ADAM18: variants seen among roughly 807,000 people sequenced by gnomAD.
ADAM18 encodes ADAM metallopeptidase domain 18.
Under a neutral mutation model 94.4 loss-of-function variants are expected in ADAM18, and 117 were observed. That is an observed-to-expected ratio of 1.24 (90% CI 1.07 to 1.45). The LOEUF is 1.45. Ranked by LOEUF, ADAM18 falls within the 40% of genes most tolerant of loss-of-function variation. The probability of loss-of-function intolerance (pLI) is 0.00; values close to 1 mark genes in which losing one functional copy is unlikely to be tolerated. For synonymous variants in ADAM18, 327 were observed against 291.6 expected, an observed-to-expected ratio of 1.12 and a Z score of -1.24; for missense variants, 936 against 880.0, an observed-to-expected ratio of 1.06 and a Z score of -0.81.
chr8:39,609,464 C>T (rs768952615), intron 4 of ADAM18, 21 bp from the exon 5 acceptor site: 10 of 1,579,376 alleles, frequency 6.3e-6, no homozygotes, highest in African/African-American at 4.0e-5. Flanking sequence ...TATATACTTG[C>T]CTTTCTATAC....
chr8:39,675,628 A>G (rs1424354381), intron 14 of ADAM18, among the ~76,000 whole-genome samples: 1 of 152,096 alleles, frequency 6.6e-6, no homozygotes, highest in African/African-American at 2.4e-5. Flanking sequence ...ACTTCTGTCA[A>G]CTCATCAAAG....
chr8:39,729,195 T>A (rs571347056), intron 19 of ADAM18, among the ~76,000 whole-genome samples: 1 of 152,294 alleles, frequency 6.6e-6, no homozygotes, highest in Non-Finnish European at 1.5e-5. Flanking sequence ...TATTATTCAA[T>A]GAGGAGTTAT....
chr8:39,696,821 T>C (rs987791283), intron 17 of ADAM18, among the ~76,000 whole-genome samples: 4 of 151,574 alleles, frequency 2.6e-5, no homozygotes, highest in Admixed American at 1.3e-4. Context: ...TTATTCTTTC[T>C]TTGAAAAAAC....
intron 16 of ADAM18, among the ~76,000 whole-genome samples, chr8:39,688,333 G>C (rs1821666256): frequency 6.6e-6 from 1 of 152,026 alleles, no homozygotes; most frequent in Non-Finnish European, 1.5e-5. Context: ...CATCACCCAG[G>C]TATTAAGCCT....
intron 6 of ADAM18, chr8:39,611,507 G>T: frequency 1.0e-6 from 1 of 984,636 alleles, no homozygotes; most frequent in Non-Finnish European, 1.2e-6. Flanking sequence ...TTTAAAATTT[G>T]TCTCGATTTT....
chr8:39,622,944 G>A (rs997542168), intron 6 of ADAM18, among the ~76,000 whole-genome samples: 1 of 152,036 alleles, frequency 6.6e-6, no homozygotes, highest in African/African-American at 2.4e-5. Context: ...TTGTATAGTG[G>A]TGATGTCTGA....
intron 12 of ADAM18, among the ~76,000 whole-genome samples, chr8:39,659,456 T>G (rs1460477669): frequency 6.6e-6 from 1 of 151,698 alleles, no homozygotes; most frequent in African/African-American, 2.4e-5. Context: ...CATTGAACAG[T>G]ATATAAGCAA....
chr8:39,702,179 T>G (rs983483017), intron 17 of ADAM18, among the ~76,000 whole-genome samples: 1 of 152,218 alleles, frequency 6.6e-6, no homozygotes, highest in Admixed American at 6.5e-5. Flanking sequence ...ATAACAGCCA[T>G]TCTGACTGGC....
At chr8:39,628,799 A>G (rs1362368134) in intron 6 of ADAM18, among the ~76,000 whole-genome samples, 1 of 152,106 alleles carries the variant, frequency 6.6e-6, no homozygotes, top group Non-Finnish European at 1.5e-5. Context: ...ATGAGTACAC[A>G]GGGAAGAACA....
At chr8:39,638,372 T>C (rs1355978317) in intron 9 of ADAM18, 93 bp from the exon 10 acceptor site, 2 of 791,954 alleles carry the variant, frequency 2.5e-6, no homozygotes, top group Non-Finnish European at 3.8e-6. Context: ...GCAAAGTCAT[T>C]TTTAAAATTT....
rs1315099221 is a variant in ADAM18, at chr8:39,609,537, C to G, written c.320C>G (p.Thr107Arg). ...GCCGAATTTCCAAATTCATTTGTGA[C>G]ACTCAGTATATGTTCTGGTCTCAGG... ...YAAEFPNSFV[T>R]LSICSGLRGF... The change falls in exon 5 of 20, where the codon ACA becomes AGA. Residue 107 changes from threonine (T) to arginine (R), a missense_variant. Thr to Arg is a moderately conservative substitution (Grantham distance 71). Transcript: ENST00000265707. 1.9e-6 allele frequency: 3 copies of G among 1,610,898 alleles called. No homozygotes were observed. The African/African-American group carries it at 4.0e-5, about 21-fold the overall frequency.
rs13276855 is a variant in ADAM18 at position 39,722,164 on chromosome 8, T to C, written c.2018-1584T>C. Among the ~76,000 whole-genome samples the C allele has an allele frequency of 3.4e-5, 5 of 145,270 alleles. No homozygotes were observed. In the East Asian group the frequency reaches 8.2e-4, roughly 24 times the overall value. ...AAATATCTCCTCTCATTCTATAAGG[T>C]TGTCTGCCTACTTTGTTGGTTATAC... On this transcript the variant is annotated intron_variant, in intron 18 of 19. Transcript: ENST00000265707.
At chr8:39,641,869 T>A (rs1820248097) in intron 10 of ADAM18, among the ~76,000 whole-genome samples, 1 of 152,132 alleles carries the variant, frequency 6.6e-6, no homozygotes, top group Non-Finnish European at 1.5e-5. Flanking sequence ...TAATTTACAC[T>A]CCCACCTGCA....
In ADAM18 at chr8:39,615,226, TAA is replaced by T. The variant is rs148186223; in HGVS notation, c.522+4532_522+4533del. On this transcript the variant is annotated intron_variant, in intron 6 of 19. Coordinates refer to ENST00000265707, the MANE Select transcript of ADAM18 (RefSeq NM_014237.3). ...GACCATAATGCAATTCTCAACAAAT[TAA>T]AAAAAAAAAAACATACGGACCACAC... is the stretch of plus-strand genomic sequence containing the variant. 6.1e-4 allele frequency among the ~76,000 whole-genome samples: 84 copies of T among 137,890 alleles called. No individual in the cohort carries two copies. In the South Asian group the frequency reaches 7.4e-3, roughly 12 times the overall value. 90.5% of individuals were successfully genotyped at this position (137,890 alleles called of 152,430 possible). A position where few individuals can be genotyped will look rare whatever the true frequency, so the allele number is the denominator to read the frequency against.
chr8:39,723,814 T>C lies in ADAM18; in HGVS notation c.2084T>C (p.Ile695Thr). The C allele has an allele frequency of 6.3e-7, 1 of 1,587,514 alleles. No individual in the cohort carries two copies. Among genetic ancestry groups the C allele is most frequent in the Non-Finnish European group, 8.6e-7 (1 of 1,167,140 alleles). ...AACTGGTTTATTCTGAGTTTCTGCA[T>C]TTTTCTGCCGTTTTTCATAGTTTTC... ...WNNWFILSFCIFLPFFIVFTT... is the reference protein window; with the variant it reads ...WNNWFILSFCTFLPFFIVFTT... Residue 695 changes from isoleucine to threonine, a missense_variant, in exon 19 of 20, where the codon ATT becomes ACT. Ile to Thr is a moderately conservative substitution (Grantham distance 89, BLOSUM62 -1). Transcript: ENST00000265707.
intron 18 of ADAM18, among the ~76,000 whole-genome samples, chr8:39,714,663 A>C (rs540466165): frequency 2.2e-4 from 34 of 152,118 alleles, no homozygotes; most frequent in Non-Finnish European, 4.4e-4. Flanking sequence ...AAAATCCTCT[A>C]TAAGAGTTGA....
chr8:39,688,100 G>A (rs1455354341), intron 16 of ADAM18, among the ~76,000 whole-genome samples: 2 of 152,114 alleles, frequency 1.3e-5, no homozygotes, highest in African/African-American at 2.4e-5. Context: ...GTTAATAAAT[G>A]TTGCCATTTC....
chr8:39,637,008 A>T (rs571288892), intron 7 of ADAM18, among the ~76,000 whole-genome samples: 1 of 128,836 alleles, frequency 7.8e-6, no homozygotes, highest in African/African-American at 2.9e-5. Flanking sequence ...ATATTTCCGC[A>T]TGTGTGTATT....
intron 17 of ADAM18, among the ~76,000 whole-genome samples, chr8:39,702,229 C>G (rs1822101911): frequency 6.6e-6 from 1 of 152,170 alleles, no homozygotes; most frequent in Non-Finnish European, 1.5e-5. Flanking sequence ...TTTTATTTCT[C>G]TAATGATTAG....
Sources: gnomAD v4.1 joint callset for allele counts (sites outside exome capture counted in the v4.1 genomes callset) on GRCh38, gnomAD v4.1.1 for gene constraint, MANE v1.5 for transcripts, NCBI Gene and HGNC (gene_info 2026-07-23, HGNC 2026-07-21) for gene names.